TAPT1: variants seen among roughly 807,000 people sequenced by gnomAD.
TAPT1 encodes transmembrane anterior posterior transformation protein 1 homolog.
In TAPT1, 28 loss-of-function variants were observed where a neutral mutation model predicts 65.6. The observed-to-expected ratio is 0.43, with a 90% CI of 0.32 to 0.59. The LOEUF (loss-of-function observed/expected upper bound fraction) is 0.59. Ranked by LOEUF, TAPT1 falls within the 20% of genes least tolerant of loss-of-function variation. TAPT1 has a pLI of 0.09. For synonymous variants in TAPT1, 278 were observed against 245.2 expected (o/e 1.13, Z -1.25); for missense variants, 563 against 679.9 (o/e 0.83, Z 1.91).
chr4:16,184,724 C>T (rs317872), intron 7 of TAPT1, among the ~76,000 whole-genome samples: 71,730 of 151,990 alleles, frequency 0.47, 18,125 homozygotes, highest in African/African-American at 0.66. Context: ...CTAATAATGC[C>T]GAGCAGCTTT....
At chr4:16,219,528 TG>T (rs1445855292) in intron 1 of TAPT1, among the ~76,000 whole-genome samples, 1 of 152,228 alleles carries the variant, frequency 6.6e-6, no homozygotes, top group East Asian at 1.9e-4. Context: ...GGCTGGGGAA[TG>T]GTTTTAAATG....
chr4:16,166,947 A>C lies in TAPT1; in HGVS notation c.1314-154T>G, dbSNP rs1747670943. 3 of 555,056 alleles carry C rather than the reference A, an allele frequency of 5.4e-6. No homozygotes were observed. In the South Asian group the frequency reaches 1.0e-4, roughly 19 times the overall value. The allele number at this position is 555,056 out of a possible 1,614,324, so 34.4% of individuals were successfully genotyped here. ...ACTTACACAAATCTTGAGTTTTCTG[A>C]GGCCTCCTTGTCACAAAGAAAAACT... is the stretch of plus-strand genomic sequence containing the variant. On this transcript the variant is annotated intron_variant, in intron 12 of 13. Coordinates refer to ENST00000405303, the MANE Select transcript of TAPT1 (RefSeq NM_153365.3).
chr4:16,177,741 C>T (rs1748426448), intron 8 of TAPT1, among the ~76,000 whole-genome samples: 1 of 151,804 alleles, frequency 6.6e-6, no homozygotes, highest in South Asian at 2.1e-4. Flanking sequence ...GCCTGGCATA[C>T]AAAATGGCTA....
chr4:16,168,126 T>TG (rs1747757731), intron 12 of TAPT1, among the ~76,000 whole-genome samples: 1 of 151,866 alleles, frequency 6.6e-6, no homozygotes, highest in Non-Finnish European at 1.5e-5. Flanking sequence ...TTTTCTTTTT[T>TG]TTTTTAAGAA....
At chr4:16,174,168 C>A (rs749730387) in intron 11 of TAPT1, 36 bp downstream of exon 11, 1 of 1,460,970 alleles carries the variant, frequency 6.8e-7, no homozygotes, top group Non-Finnish European at 9.4e-7. Context: ...ATGATGGCTA[C>A]TTTGTTACAA....
intron 3 of TAPT1, among the ~76,000 whole-genome samples, chr4:16,191,873 T>G (rs570809409): frequency 6.6e-6 from 1 of 152,256 alleles, no homozygotes. Flanking sequence ...GCACATAGCC[T>G]GCTGGATCAG....
chr4:16,201,415 A>T (rs77159001), intron 3 of TAPT1, among the ~76,000 whole-genome samples: 25,167 of 152,180 alleles, frequency 0.17, 2,496 homozygotes, highest in East Asian at 0.3. Context: ...AGTTCAATGA[A>T]GTCTCACAAA....
rs1749372400 is a variant in TAPT1, at chr4:16,191,530, C to T, written c.450-7G>A. On this transcript the variant is annotated splice_polypyrimidine_tract_variant and splice_region_variant and intron_variant, in intron 3 of 13. Transcript: ENST00000405303. ...CTGAAGCAAACGTCTGTCCCTGAAACATACAAGAAGTAATAAAAATATAAT... is the reference window on the plus strand; with the variant it reads ...CTGAAGCAAACGTCTGTCCCTGAAATATACAAGAAGTAATAAAAATATAAT... The T allele has an allele frequency of 5.2e-6, 8 of 1,552,032 alleles. No homozygotes were observed. Among genetic ancestry groups the T allele is most frequent in the Non-Finnish European group, 7.0e-6 (8 of 1,147,382 alleles).
intron 7 of TAPT1, among the ~76,000 whole-genome samples, chr4:16,181,031 CAT>C (rs1748681532): frequency 1.3e-5 from 2 of 152,212 alleles, no homozygotes; most frequent in African/African-American, 2.4e-5. Context: ...GTCTAGATCA[CAT>C]GTTTAATTTA....
At chr4:16,210,137 T>A (rs910393357) in intron 2 of TAPT1, among the ~76,000 whole-genome samples, 1 of 152,152 alleles carries the variant, frequency 6.6e-6, no homozygotes, top group Non-Finnish European at 1.5e-5. Flanking sequence ...ATGAAAGAGA[T>A]CAGCTTTACC....
chr4:16,218,786 G>T (rs1324163387), intron 1 of TAPT1, among the ~76,000 whole-genome samples: 1 of 152,168 alleles, frequency 6.6e-6, no homozygotes, highest in East Asian at 1.9e-4. Flanking sequence ...GTATTAATCA[G>T]TTCTGGTTTG....
intron 2 of TAPT1, among the ~76,000 whole-genome samples, chr4:16,212,456 C>A (rs1750697878): frequency 6.6e-6 from 1 of 152,176 alleles, no homozygotes; most frequent in South Asian, 2.1e-4. Flanking sequence ...CTGGTTTAAT[C>A]TTTTATTTTT....
chr4:16,176,492 T>G, intron 8 of TAPT1: 1 of 220,466 alleles, frequency 4.5e-6, no homozygotes, highest in Non-Finnish European at 8.8e-6. Flanking sequence ...GATCAGGAGT[T>G]TGAGACCAGC....
chr4:16,225,766 C>T, intron 1 of TAPT1: 1 of 479,110 alleles, frequency 2.1e-6, no homozygotes, highest in Non-Finnish European at 2.7e-6. Context: ...TACTGAACTT[C>T]ATGGTCACTA....
Position 16,163,243 on chromosome 4 carries a change from T to A in TAPT1, c.*65A>T, listed in dbSNP as rs1362884877. On this transcript the variant is annotated 3_prime_UTR_variant, in exon 14 of 14. Coordinates refer to ENST00000405303, the MANE Select transcript of TAPT1 (RefSeq NM_153365.3). Reference sequence around the variant, plus strand: ...TTTAAGTGCCATGTTTAGCATCTATTTGTCCTGGCAACACAGCACTTGTTG... The same window carrying A: ...TTTAAGTGCCATGTTTAGCATCTATATGTCCTGGCAACACAGCACTTGTTG... 2 of 1,128,104 alleles carry A rather than the reference T, an allele frequency of 1.8e-6. No individual in the cohort carries two copies. The highest frequency in any genetic ancestry group is 3.1e-5 in the African/African-American group (2 of 64,834). 69.9% of individuals were successfully genotyped at this position (1,128,104 alleles called of 1,614,324 possible). A position where few individuals can be genotyped will look rare whatever the true frequency, so the allele number is the denominator to read the frequency against.
intron 8 of TAPT1, chr4:16,179,212 T>C (rs996366582): frequency 4.8e-5 from 8 of 165,284 alleles, no homozygotes; most frequent in African/African-American, 1.7e-4. Context: ...CCAGACTATA[T>C]GGTATAACCT....
At chr4:16,192,527 T>C (rs1749435437) in intron 3 of TAPT1, among the ~76,000 whole-genome samples, 1 of 152,222 alleles carries the variant, frequency 6.6e-6, no homozygotes, top group Admixed American at 6.5e-5. Context: ...TCCTTACTTC[T>C]GAGGTTAGAG....
At chr4:16,194,064 A>AT (rs1375606546) in intron 3 of TAPT1, among the ~76,000 whole-genome samples, 1 of 152,204 alleles carries the variant, frequency 6.6e-6, no homozygotes, top group East Asian at 1.9e-4. Flanking sequence ...TTATATACAT[A>AT]TTTTGAATCA....
chr4:16,226,702 C>T (rs1751598304), upstream of TAPT1: 1 of 155,936 alleles, frequency 6.4e-6, no homozygotes, highest in Non-Finnish European at 1.4e-5. Context: ...GACGGTTTCT[C>T]GCGCCGTGGC....
Sources: gnomAD v4.1 joint callset for allele counts (sites outside exome capture counted in the v4.1 genomes callset) on GRCh38, gnomAD v4.1.1 for gene constraint, MANE v1.5 for transcripts, NCBI Gene and HGNC (gene_info 2026-07-23, HGNC 2026-07-21) for gene names.